Variants in MAP7 observed in about 807,000 individuals in gnomAD.
MAP7 encodes microtubule associated protein 7, also known as ensconsin.
A neutral mutation model predicts 94.8 loss-of-function variants in MAP7; 52 were observed. That is an observed-to-expected ratio of 0.55 (90% confidence interval 0.44 to 0.69). The LOEUF (loss-of-function observed/expected upper bound fraction) is 0.69, where lower values mean the gene tolerates loss of function less well. MAP7 is among the 30% of genes least tolerant of loss of function. The pLI, the probability that MAP7 is intolerant of heterozygous loss-of-function variation, is 0.00. For synonymous variants in MAP7, 350 were observed against 357.0 expected (o/e 0.98, Z 0.22); for missense variants, 940 against 964.6 (o/e 0.97, Z 0.34).
intron 1 of MAP7, among the ~76,000 whole-genome samples, chr6:136,544,371 C>T (rs978767647): frequency 2.6e-5 from 4 of 152,228 alleles, no homozygotes; most frequent in African/African-American, 4.8e-5. Flanking sequence ...CACTTCTAAT[C>T]TGATGTAGCC....
chr6:136,489,588 C>T (rs1183942013), intron 1 of MAP7, among the ~76,000 whole-genome samples: 4 of 135,414 alleles, frequency 3.0e-5, no homozygotes, highest in East Asian at 2.2e-4. Flanking sequence ...AGTGCAGTGG[C>T]GCAATCTGAG....
Position 136,370,913 on chromosome 6 carries a change from T to A in MAP7, c.876+1588A>T, listed in dbSNP as rs944302759. 2.6e-5 allele frequency among the ~76,000 whole-genome samples: 4 copies of A among 152,288 alleles called. No individual in the cohort carries two copies. In the East Asian group the frequency reaches 7.7e-4, roughly 29 times the overall value. On this transcript the variant is annotated intron_variant, in intron 8 of 17. Transcript: ENST00000354570. ...AAATTTTACGTTACATGCTTTTTTTTTTTTTTAACACAACTAAATATTTTT... is the reference window on the plus strand; with the variant it reads ...AAATTTTACGTTACATGCTTTTTTTATTTTTTAACACAACTAAATATTTTT...
chr6:136,481,827 G>T (rs1026089912), intron 1 of MAP7, among the ~76,000 whole-genome samples: 1 of 152,164 alleles, frequency 6.6e-6, no homozygotes, highest in African/African-American at 2.4e-5. Context: ...CATTTACTCT[G>T]ATGTGATTAT....
At chr6:136,383,111 G>T (rs1408763290) in intron 6 of MAP7, among the ~76,000 whole-genome samples, 1 of 152,172 alleles carries the variant, frequency 6.6e-6, no homozygotes, top group Non-Finnish European at 1.5e-5. Flanking sequence ...CTGTAATTAT[G>T]ATGATTTCTT....
At chr6:136,418,802 TCCTATGA>T (rs1378606109) in intron 2 of MAP7, among the ~76,000 whole-genome samples, 26 of 152,134 alleles carry the variant, frequency 1.7e-4, no homozygotes, top group African/African-American at 5.5e-4. Flanking sequence ...AGACAGACAT[TCCTATGA>T]CCCGTATCCC....
rs534706928 is a variant in MAP7 at position 136,372,576 on chromosome 6, A to G, written c.801T>C (p.Asn267=). 4.3e-6 allele frequency: 7 copies of G among 1,614,024 alleles called. No individual in the cohort carries two copies. Among genetic ancestry groups the G allele is most frequent in the Non-Finnish European group, 5.9e-6 (7 of 1,180,032 alleles). Residue 267 remains asparagine (N), a synonymous_variant, in exon 8 of 18, where the codon AAT becomes AAC. Transcript: ENST00000354570. ...IMPYKAAHSR[N]SMDRPKLFVT... is the part of the protein sequence containing the mutation. ...CAAAGAGTTTTGGTCGATCCATCGA[A>G]TTTCTAGAGTGTGCAGCTTTGTAGG...
intron 6 of MAP7, among the ~76,000 whole-genome samples, chr6:136,381,303 C>T (rs1052736610): frequency 2.6e-5 from 4 of 151,988 alleles, no homozygotes; most frequent in Admixed American, 6.6e-5. Flanking sequence ...CCTCAGCCCC[C>T]GAGTAACTAG....
At chr6:136,454,568 G>C (rs567886064) in intron 1 of MAP7, among the ~76,000 whole-genome samples, 1 of 151,760 alleles carries the variant, frequency 6.6e-6, no homozygotes, top group South Asian at 2.1e-4. Flanking sequence ...AAAGTGCTGG[G>C]ATTTCAGGCA....
Position 136,344,164 on chromosome 6 carries a change from A to C in MAP7, c.*64T>G. The C allele has an allele frequency of 1.2e-6, 1 of 844,266 alleles. No homozygotes were observed. The highest frequency in any genetic ancestry group is 1.7e-6 in the Non-Finnish European group (1 of 589,560). The allele number at this position is 844,266 out of a possible 1,614,324, so 52.3% of individuals were successfully genotyped here. Reference sequence around the variant, plus strand: ...GAGGGGATGCTCCTTTATAGCAGGAAAGGAATTCCATTAATTGTAGAAATT... The same window carrying C: ...GAGGGGATGCTCCTTTATAGCAGGACAGGAATTCCATTAATTGTAGAAATT... On this transcript the variant is annotated 3_prime_UTR_variant, in exon 18 of 18. Coordinates refer to ENST00000354570, the MANE Select transcript of MAP7 (RefSeq NM_003980.6).
intron 16 of MAP7, 105 bp downstream of exon 16, chr6:136,356,587 C>T: frequency 1.4e-6 from 1 of 740,694 alleles, no homozygotes; most frequent in Non-Finnish European, 2.0e-6. Context: ...ATCAATGAGG[C>T]CCCCCCCAAA....
intron 1 of MAP7, among the ~76,000 whole-genome samples, chr6:136,438,649 A>G (rs1013286206): frequency 6.6e-6 from 1 of 152,216 alleles, no homozygotes; most frequent in Non-Finnish European, 1.5e-5. Flanking sequence ...ATACAGTCAC[A>G]GTGAGTTTTA....
chr6:136,423,725 T>TA (rs545495506), intron 1 of MAP7, among the ~76,000 whole-genome samples: 13,030 of 132,756 alleles, frequency 0.098, 1,482 homozygotes, highest in African/African-American at 0.28. Context: ...ATCTGAGCCT[T>TA]AAAAAAAAAA....
At chr6:136,497,676 G>A (rs1300866689) in intron 1 of MAP7, among the ~76,000 whole-genome samples, 1 of 151,292 alleles carries the variant, frequency 6.6e-6, no homozygotes, top group African/African-American at 2.4e-5. Context: ...GCACACATCT[G>A]TAATCCCAGC....
At chr6:136,436,002 C>T (rs965582768) in intron 1 of MAP7, among the ~76,000 whole-genome samples, 1 of 152,046 alleles carries the variant, frequency 6.6e-6, no homozygotes, top group African/African-American at 2.4e-5. Context: ...AAATGTGTCC[C>T]AGCTTTCAAA....
In MAP7 at chr6:136,356,758, C is replaced by T; in HGVS notation, c.1949G>A (p.Gly650Glu). The change falls in exon 16 of 18, where the codon GGA becomes GAA. Residue 650 changes from glycine (G) to glutamate (E), a missense_variant. Transcript: ENST00000354570. ...SALPCTTNAP[G>E]NGKPVGSPHV... is the part of the protein sequence containing the mutation. ...TGGGCTGCCAACTGGCTTTCCATTT[C>T]CCGGAGCGTTTGTTGTACATGGAAG... is the stretch of plus-strand genomic sequence containing the variant. 1.9e-6 allele frequency: 3 copies of T among 1,614,124 alleles called. No homozygotes were observed. Among genetic ancestry groups the T allele is most frequent in the Non-Finnish European group, 2.5e-6 (3 of 1,180,024 alleles).
chr6:136,440,838 A>C (rs1264845734), intron 1 of MAP7, among the ~76,000 whole-genome samples: 1 of 151,368 alleles, frequency 6.6e-6, no homozygotes, highest in Admixed American at 6.6e-5. Flanking sequence ...AAAAAAAAAA[A>C]AACCCTCCCC....
chr6:136,462,662 T>C (rs1805621697), intron 1 of MAP7, among the ~76,000 whole-genome samples: 1 of 152,112 alleles, frequency 6.6e-6, no homozygotes. Flanking sequence ...TGATGGTATT[T>C]AAAACTTTAA....
chr6:136,527,358 T>C (rs1583149021), intron 1 of MAP7, among the ~76,000 whole-genome samples: 2 of 152,336 alleles, frequency 1.3e-5, no homozygotes, highest in East Asian at 3.9e-4. Context: ...TGCTTTTGTG[T>C]TTTAATAAAA....
At chr6:136,490,877 G>A (rs1161024748) in intron 1 of MAP7, among the ~76,000 whole-genome samples, 1 of 152,160 alleles carries the variant, frequency 6.6e-6, no homozygotes, top group Non-Finnish European at 1.5e-5. Context: ...CTTGCCTGTA[G>A]ACTCTCATCC....
Sources: gnomAD v4.1 joint callset for allele counts (sites outside exome capture counted in the v4.1 genomes callset) on GRCh38, gnomAD v4.1.1 for gene constraint, MANE v1.5 for transcripts, NCBI Gene and HGNC (gene_info 2026-07-23, HGNC 2026-07-21) for gene names.